MFHAS1: variants seen among roughly 807,000 people sequenced by gnomAD.
MFHAS1 encodes malignant fibrous histiocytoma-amplified sequence 1.
A neutral mutation model predicts 70.4 loss-of-function variants in MFHAS1; 50 were observed. The ratio of observed to expected loss-of-function variants is 0.71; its 90% CI spans 0.57 to 0.90. MFHAS1 has a LOEUF of 0.90. Among genes scored for constraint, MFHAS1 ranks in the 40% least tolerant of loss-of-function variants. The pLI, the probability that MFHAS1 is intolerant of heterozygous loss-of-function variation, is 0.00. For missense variants in MFHAS1, 1,795 were observed against 1,347.6 expected, an observed-to-expected ratio of 1.33 and a Z score of -5.20; for synonymous variants, 952 against 620.0, an observed-to-expected ratio of 1.54 and a Z score of -7.96.
At chr8:8,842,589 C>T (rs1005902831) in intron 1 of MFHAS1, among the ~76,000 whole-genome samples, 3 of 152,262 alleles carry the variant, frequency 2.0e-5, no homozygotes, top group South Asian at 2.1e-4. Context: ...AAGCCTCATC[C>T]GTACAGCCTT....
intron 1 of MFHAS1, among the ~76,000 whole-genome samples, chr8:8,810,076 C>G (rs1806490479): frequency 1.3e-5 from 2 of 152,164 alleles, no homozygotes; most frequent in Non-Finnish European, 2.9e-5. Flanking sequence ...TAATAATGAT[C>G]AGAAGCCAGG....
At chr8:8,874,202 T>A (rs1427456662) in intron 1 of MFHAS1, among the ~76,000 whole-genome samples, 1 of 152,158 alleles carries the variant, frequency 6.6e-6, no homozygotes. Flanking sequence ...CTTACACCTC[T>A]GGAAGGTGGA....
intron 1 of MFHAS1, among the ~76,000 whole-genome samples, chr8:8,811,408 T>C (rs1360862238): frequency 1.3e-5 from 2 of 152,090 alleles, no homozygotes. Context: ...CCCAAGTAAA[T>C]GGGACCACAG....
intron 1 of MFHAS1, among the ~76,000 whole-genome samples, chr8:8,844,854 T>C (rs545172388): frequency 1.3e-5 from 2 of 152,198 alleles, no homozygotes; most frequent in African/African-American, 4.8e-5. Context: ...ACTGGCCAAA[T>C]AAGCAAATTT....
intron 1 of MFHAS1, among the ~76,000 whole-genome samples, chr8:8,833,185 G>T (rs892248567): frequency 6.6e-6 from 1 of 152,100 alleles, no homozygotes; most frequent in Non-Finnish European, 1.5e-5. Context: ...CACCATTAGA[G>T]ACCACCCCCT....
chr8:8,809,937 C>G (rs1237583496), intron 1 of MFHAS1, among the ~76,000 whole-genome samples: 1 of 152,198 alleles, frequency 6.6e-6, no homozygotes, highest in East Asian at 1.9e-4. Flanking sequence ...GTTCTCTCCC[C>G]AACATTCATT....
intron 1 of MFHAS1, among the ~76,000 whole-genome samples, chr8:8,879,855 C>A (rs1006546434): frequency 2.0e-5 from 3 of 152,182 alleles, no homozygotes; most frequent in Non-Finnish European, 4.4e-5. Context: ...CTTATCTAAT[C>A]TGGTAATCAT....
intron 1 of MFHAS1, among the ~76,000 whole-genome samples, chr8:8,859,664 G>A (rs76906149): frequency 0.02 from 3,101 of 152,084 alleles, 107 homozygotes; most frequent in African/African-American, 0.071. Flanking sequence ...TCTTCCTTAC[G>A]GTTTTCTCAG....
intron 1 of MFHAS1, among the ~76,000 whole-genome samples, chr8:8,841,058 TA>T (rs1177968064): frequency 1.3e-5 from 2 of 152,140 alleles, no homozygotes; most frequent in Admixed American, 1.3e-4. Context: ...TAAAAAATAA[TA>T]AAATGTAGGG....
intron 1 of MFHAS1, 94 bp from the exon 2 acceptor site, chr8:8,797,585 G>T: frequency 1.4e-6 from 2 of 1,380,936 alleles, no homozygotes; most frequent in East Asian, 2.4e-5. Flanking sequence ...GGGGGCAGGG[G>T]GAGAAGGGCA....
chr8:8,853,573 G>A (rs925702525), intron 1 of MFHAS1, among the ~76,000 whole-genome samples: 2 of 151,706 alleles, frequency 1.3e-5, no homozygotes, highest in Non-Finnish European at 2.9e-5. Flanking sequence ...TCCTAGCTAC[G>A]TATATATATT....
chr8:8,869,367 C>T (rs935056366), intron 1 of MFHAS1, among the ~76,000 whole-genome samples: 4 of 152,106 alleles, frequency 2.6e-5, no homozygotes, highest in African/African-American at 7.2e-5. Flanking sequence ...TAAAGAACTC[C>T]GGGGCACGCT....
intron 1 of MFHAS1, among the ~76,000 whole-genome samples, chr8:8,889,271 C>A (rs1033673485): frequency 1.3e-5 from 2 of 152,066 alleles, no homozygotes; most frequent in African/African-American, 4.8e-5. Context: ...AGGAAATTCC[C>A]GAGGAAACGC....
At chr8:8,846,328 AGTAGGAGGG>A (rs1808036792) in intron 1 of MFHAS1, among the ~76,000 whole-genome samples, 20 of 70,226 alleles carry the variant, frequency 2.8e-4, no homozygotes, top group East Asian at 1.5e-3. Context: ...GAGAAGGAGG[AGTAGGAGGG>A]GGAGGAGGGG....
intron 1 of MFHAS1, among the ~76,000 whole-genome samples, chr8:8,806,979 C>T (rs916051820): frequency 1.3e-5 from 2 of 151,586 alleles, no homozygotes; most frequent in African/African-American, 4.8e-5. Context: ...AAAGAAAACA[C>T]AGAAAGGAAC....
intron 1 of MFHAS1, among the ~76,000 whole-genome samples, chr8:8,818,290 T>C (rs529951221): frequency 2.0e-5 from 3 of 152,270 alleles, no homozygotes; most frequent in South Asian, 2.1e-4. Context: ...TACAACCTTA[T>C]TAAAAGTGAC....
chr8:8,783,532 A>G lies in MFHAS1; in HGVS notation c.*2490T>C, dbSNP rs1805431704. 1 of 152,172 alleles carries G rather than the reference A, an allele frequency of 6.6e-6. No homozygotes were observed. The highest frequency in any genetic ancestry group is 2.4e-5 in the African/African-American group (1 of 41,430). 9.4% of individuals were successfully genotyped at this position (152,172 alleles called of 1,614,324 possible). A position where few individuals can be genotyped will look rare whatever the true frequency, so the allele number is the denominator to read the frequency against. On this transcript the variant is annotated 3_prime_UTR_variant, in exon 3 of 3. Coordinates refer to ENST00000276282, the MANE Select transcript of MFHAS1 (RefSeq NM_004225.3). The stretch of plus-strand genomic sequence containing the variant: ...TTATTCATTCAAAAGAGAGTCCAAT[A>G]CACAAGTGTCAAATATGAGCACTGT...
At chr8:8,866,184 A>G (rs552320988) in intron 1 of MFHAS1, among the ~76,000 whole-genome samples, 1 of 152,324 alleles carries the variant, frequency 6.6e-6, no homozygotes, top group East Asian at 1.9e-4. Context: ...CCATTGGTTC[A>G]GTAAAATCAG....
In MFHAS1 at chr8:8,828,484, G is replaced by C. The variant is rs76912127; in HGVS notation, c.2999-30993C>G. 2.4e-3 allele frequency among the ~76,000 whole-genome samples: 364 copies of C among 152,192 alleles called. 1 individual carries two copies. Among genetic ancestry groups the C allele is most frequent in the African/African-American group, 8.2e-3 (341 of 41,508 alleles). ...AGACGCAGGGCCATACTGTATCTTAGGCCGTCTTCACAGAAAGAAGGTAAC... is the reference window on the plus strand; with the variant it reads ...AGACGCAGGGCCATACTGTATCTTACGCCGTCTTCACAGAAAGAAGGTAAC... On this transcript the variant is annotated intron_variant, in intron 1 of 2. Coordinates refer to ENST00000276282, the MANE Select transcript of MFHAS1 (RefSeq NM_004225.3).
Sources: gnomAD v4.1 joint callset for allele counts (sites outside exome capture counted in the v4.1 genomes callset) on GRCh38, gnomAD v4.1.1 for gene constraint, MANE v1.5 for transcripts, NCBI Gene and HGNC (gene_info 2026-07-23, HGNC 2026-07-21) for gene names.